WASF3: variants seen among roughly 807,000 people sequenced by gnomAD.
WASF3 encodes WASP family member 3.
Under a neutral mutation model 46.6 loss-of-function variants are expected in WASF3, and 11 were observed. The observed-to-expected ratio is 0.24, with a 90% confidence interval of 0.15 to 0.39. The LOEUF is 0.39. WASF3 is among the 10% of genes least tolerant of loss of function. The pLI, the probability that WASF3 is intolerant of heterozygous loss-of-function variation, is 1.00. For synonymous variants in WASF3, 242 were observed against 259.7 expected (o/e 0.93, Z 0.65); for missense variants, 576 against 669.8 (o/e 0.86, Z 1.55).
intron 3 of WASF3, among the ~76,000 whole-genome samples, chr13:26,657,928 T>A (rs1882514735): frequency 6.6e-6 from 1 of 152,258 alleles, no homozygotes; most frequent in Non-Finnish European, 1.5e-5. Context: ...CTAAATTTTA[T>A]GTCCCTTTAT....
At chr13:26,621,311 A>T (rs926365518) in intron 2 of WASF3, among the ~76,000 whole-genome samples, 1 of 152,218 alleles carries the variant, frequency 6.6e-6, no homozygotes, top group Non-Finnish European at 1.5e-5. Context: ...CTAAAGCATC[A>T]TGAAAACACA....
At chr13:26,554,036 TTTCTTTCCTTCCTTCCTTCC>T (rs1383587873), upstream of WASF3, among the ~76,000 whole-genome samples, 18 of 71,842 alleles carry the variant, frequency 2.5e-4, no homozygotes, top group Middle Eastern at 6.3e-3. Flanking sequence ...CTTCTTTCTC[TTTCTTTCCTTCCTTCCTTCC>T]TTCCTTCCTT....
chr13:26,587,175 C>CTT (rs369210650), intron 1 of WASF3, among the ~76,000 whole-genome samples: 4 of 117,662 alleles, frequency 3.4e-5, no homozygotes, highest in Non-Finnish European at 5.4e-5. Context: ...ATTTTTTTTG[C>CTT]TTTTTTTTTT....
At chr13:26,539,489 T>G in the WASF3 span, among the ~76,000 whole-genome samples, 1 of 152,170 alleles carries the variant, frequency 6.6e-6, no homozygotes, top group African/African-American at 2.4e-5. Context: ...CCTGAAGATT[T>G]TCCGTTCCAG....
At chr13:26,571,792 A>G (rs1340853516) in intron 1 of WASF3, among the ~76,000 whole-genome samples, 1 of 152,238 alleles carries the variant, frequency 6.6e-6, no homozygotes, top group Non-Finnish European at 1.5e-5. Flanking sequence ...GAATTGCTTT[A>G]TATTTACAAA....
intron 3 of WASF3, among the ~76,000 whole-genome samples, chr13:26,650,903 G>A (rs376065835): frequency 1.2e-4 from 19 of 152,184 alleles, no homozygotes; most frequent in South Asian, 2.1e-4. Flanking sequence ...ATATCAAATC[G>A]TCTGACACAT....
chr13:26,584,610 C>T (rs944884531), intron 1 of WASF3, among the ~76,000 whole-genome samples: 10 of 152,036 alleles, frequency 6.6e-5, no homozygotes, highest in African/African-American at 1.9e-4. Context: ...TTTGTAATTA[C>T]GAGGTAAAAG....
chr13:26,567,021 G>T (rs1050002162), intron 1 of WASF3, among the ~76,000 whole-genome samples: 2 of 152,228 alleles, frequency 1.3e-5, no homozygotes, highest in Non-Finnish European at 2.9e-5. Context: ...ATTGAAAGGT[G>T]TAGTAGGTGA....
At chr13:26,561,586 C>A (rs2137137998) in intron 1 of WASF3, among the ~76,000 whole-genome samples, 1 of 152,176 alleles carries the variant, frequency 6.6e-6, no homozygotes. Context: ...ATTAGCTGTC[C>A]CAGACTGTCT....
At chr13:26,554,031 T>TCTTTCTC (rs1566032300), upstream of WASF3, among the ~76,000 whole-genome samples, 1 of 92,764 alleles carries the variant, frequency 1.1e-5, no homozygotes, top group African/African-American at 4.4e-5. Context: ...CCTTCCTTCT[T>TCTTTCTC]TCTCTTTCTT....
chr13:26,657,708 C>G (rs926839100), intron 3 of WASF3, among the ~76,000 whole-genome samples: 1 of 152,174 alleles, frequency 6.6e-6, no homozygotes. Flanking sequence ...TCAATGTGCT[C>G]CATAATTCAG....
chr13:26,563,830 C>T (rs1879377747), intron 1 of WASF3, among the ~76,000 whole-genome samples: 2 of 151,154 alleles, frequency 1.3e-5, no homozygotes, highest in Non-Finnish European at 1.5e-5. Context: ...TTAAACATCA[C>T]AGACATTCTA....
In WASF3 at chr13:26,642,375, C is replaced by T. The variant is rs149489573; in HGVS notation, c.105C>T (p.Ala35=). The T allele has an allele frequency of 4.2e-4, 668 of 1,606,888 alleles. No homozygotes were observed. The highest frequency in any genetic ancestry group is 7.7e-4 in the Admixed American group (45 of 58,450). ...ELECVTNSTL[A]AIIRQLSSLS... is the part of the protein sequence containing the mutation. Reference sequence around the variant, plus strand: ...AATGTGTAACCAATAGTACTCTTGCCGCTATCATACGCCAGCTGAGCAGTC... The same window carrying T: ...AATGTGTAACCAATAGTACTCTTGCTGCTATCATACGCCAGCTGAGCAGTC... Residue 35 remains alanine (A), a synonymous_variant, in exon 3 of 10, where the codon GCC becomes GCT. Coordinates refer to ENST00000335327, the MANE Select transcript of WASF3 (RefSeq NM_006646.6).
At chr13:26,630,845 T>C (rs1881630821) in intron 2 of WASF3, among the ~76,000 whole-genome samples, 1 of 152,192 alleles carries the variant, frequency 6.6e-6, no homozygotes, top group South Asian at 2.1e-4. Flanking sequence ...TTTTAATGAT[T>C]GCCATTCTAA....
chr13:26,662,584 G>A (rs1438607054), intron 3 of WASF3, among the ~76,000 whole-genome samples: 1 of 152,198 alleles, frequency 6.6e-6, no homozygotes, highest in Admixed American at 6.5e-5. Context: ...CTTTTAAGTG[G>A]GAGCTAAGCA....
intron 3 of WASF3, among the ~76,000 whole-genome samples, chr13:26,658,307 G>A (rs1353798102): frequency 6.6e-6 from 1 of 152,150 alleles, no homozygotes; most frequent in Non-Finnish European, 1.5e-5. Flanking sequence ...TTCATTTTGT[G>A]ACTATGTCAG....
In WASF3 at chr13:26,642,350, A is replaced by G; in HGVS notation, c.80A>G (p.Glu27Gly). Residue 27 changes from glutamate to glycine, a missense_variant, in exon 3 of 10, where the codon GAA (glutamate) becomes GGA (glycine). Physicochemically the swap from Glu to Gly is moderately conservative, Grantham distance 98. This residue lies in a region of WASF3 where 213 missense variants were observed against 278.0 expected (regional missense o/e 0.77). Coordinates refer to ENST00000335327, the MANE Select transcript of WASF3 (RefSeq NM_006646.6). ...CCTGAAGGGATTACCAGCGAACTTGAATGTGTAACCAATAGTACTCTTGCC... is the reference window on the plus strand; with the variant it reads ...CCTGAAGGGATTACCAGCGAACTTGGATGTGTAACCAATAGTACTCTTGCC... ...ALPEGITSEL[E>G]CVTNSTLAAI... 1 of 1,612,552 alleles carries G rather than the reference A, an allele frequency of 6.2e-7. No individual in the cohort carries two copies. Among genetic ancestry groups the G allele is most frequent in the Non-Finnish European group, 8.5e-7 (1 of 1,179,452 alleles).
At chr13:26,597,331 C>T (rs1362340219) in intron 1 of WASF3, among the ~76,000 whole-genome samples, 11 of 152,166 alleles carry the variant, frequency 7.2e-5, no homozygotes, top group Non-Finnish European at 1.6e-4. Context: ...GATGGGGCTT[C>T]GCCATGTTGG....
chr13:26,616,546 AT>A (rs940643649), intron 2 of WASF3, among the ~76,000 whole-genome samples: 2 of 151,674 alleles, frequency 1.3e-5, no homozygotes, highest in African/African-American at 2.4e-5. Context: ...TTTTAATAGC[AT>A]TTTTTTTCCT....
Sources: gnomAD v4.1 joint callset for allele counts (sites outside exome capture counted in the v4.1 genomes callset) on GRCh38, gnomAD v4.1.1 for gene constraint, gnomAD v4.1.1 regional missense constraint, MANE v1.5 for transcripts, NCBI Gene and HGNC (gene_info 2026-07-23, HGNC 2026-07-21) for gene names.